TBL1Y: variants seen among roughly 807,000 people sequenced by gnomAD.
TBL1Y encodes the protein F-box-like/WD repeat-containing protein TBL1Y.
TBL1Y carries 15 observed loss-of-function variants against 12.0 expected under a neutral mutation model. The ratio of observed to expected loss-of-function variants is 1.25; its 90% CI spans 0.83 to 1.92. The LOEUF (loss-of-function observed/expected upper bound fraction) is 1.92, where lower values mean the gene tolerates loss of function less well. Ranked by LOEUF, TBL1Y falls within the 40% of genes most tolerant of loss-of-function variation. The probability of loss-of-function intolerance (pLI) is 0.00; values close to 1 mark genes in which losing one functional copy is unlikely to be tolerated. For synonymous variants in TBL1Y, 53 were observed against 42.6 expected (o/e 1.24, Z -0.95); for missense variants, 148 against 116.7 (o/e 1.27, Z -1.24).
At chrY:6,965,584 C>T (rs1337618018) in intron 2 of TBL1Y, among the ~76,000 whole-genome samples, 2 of 33,329 alleles carry the variant, frequency 6.0e-5, no homozygotes, top group African/African-American at 2.3e-4. Flanking sequence ...AATGTATGTT[C>T]GAGGGCTATT....
intron 2 of TBL1Y, among the ~76,000 whole-genome samples, chrY:6,971,264 G>A: frequency 3.0e-5 from 1 of 33,684 alleles, no homozygotes; most frequent in Non-Finnish European, 7.3e-5. Flanking sequence ...TTAAAAGACA[G>A]TGTCCTTTAT....
At chrY:6,932,434 G>T (rs2011871378) in intron 2 of TBL1Y, among the ~76,000 whole-genome samples, 1 of 33,951 alleles carries the variant, frequency 2.9e-5, no homozygotes, top group Non-Finnish European at 7.3e-5. Flanking sequence ...AATTTACTTG[G>T]TTTTGTAGAC....
At chrY:6,978,959 G>C in intron 3 of TBL1Y, among the ~76,000 whole-genome samples, 1 of 32,116 alleles carries the variant, frequency 3.1e-5, no homozygotes, top group Non-Finnish European at 7.5e-5. Flanking sequence ...TTTTGAGACA[G>C]AGTGTCACTC....
intron 2 of TBL1Y, among the ~76,000 whole-genome samples, chrY:6,922,933 C>A: frequency 2.9e-5 from 1 of 34,459 alleles, no homozygotes; most frequent in Non-Finnish European, 7.3e-5. Flanking sequence ...GCAGCCCCGG[C>A]TCCCGCCCAC....
At chrY:6,927,396 ATT>A (rs2011834613) in intron 2 of TBL1Y, among the ~76,000 whole-genome samples, 1 of 32,543 alleles carries the variant, frequency 3.1e-5, no homozygotes, top group South Asian at 7.2e-4. Context: ...CGTCGAGGTA[ATT>A]TTTTGTATTT....
chrY:7,063,467 A>C, intron 7 of TBL1Y, among the ~76,000 whole-genome samples: 1 of 32,807 alleles, frequency 3.0e-5, no homozygotes, highest in Non-Finnish European at 7.4e-5. Context: ...TTGGTTTGGC[A>C]CGAAAAATGG....
chrY:7,029,080 C>A (rs945781505), intron 6 of TBL1Y, among the ~76,000 whole-genome samples: 1 of 32,800 alleles, frequency 3.0e-5, no homozygotes, highest in Admixed American at 2.8e-4. Context: ...CACCCAAAGT[C>A]CAAACTATAA....
At chrY:6,911,317 T>C (rs2011691116) in intron 1 of TBL1Y, among the ~76,000 whole-genome samples, 1 of 34,419 alleles carries the variant, frequency 2.9e-5, no homozygotes, top group Non-Finnish European at 7.3e-5. Context: ...TGCCCCTTTG[T>C]TTGCCGCTCT....
intron 1 of TBL1Y, among the ~76,000 whole-genome samples, chrY:6,911,410 C>A: frequency 2.9e-5 from 1 of 34,553 alleles, no homozygotes; most frequent in African/African-American, 1.1e-4. Flanking sequence ...GGAGGGGAGT[C>A]CCTTTCATCC....
At chrY:6,976,948 G>C in intron 2 of TBL1Y, among the ~76,000 whole-genome samples, 1 of 33,697 alleles carries the variant, frequency 3.0e-5, no homozygotes, top group Non-Finnish European at 7.3e-5. Context: ...AAAAGGCTCT[G>C]AGGCCAAGCT....
chrY:7,003,206 A>C, intron 4 of TBL1Y, among the ~76,000 whole-genome samples: 1 of 33,733 alleles, frequency 3.0e-5, no homozygotes, highest in Non-Finnish European at 7.3e-5. Flanking sequence ...GATCACTCCA[A>C]TTTTGTCCCA....
At chrY:7,004,048 T>C (rs771942342) in intron 4 of TBL1Y, among the ~76,000 whole-genome samples, 2 of 33,977 alleles carry the variant, frequency 5.9e-5, no homozygotes, top group South Asian at 1.3e-3. Context: ...AACCTTGACA[T>C]AAGAATACCC....
chrY:6,943,989 C>T, intron 2 of TBL1Y, among the ~76,000 whole-genome samples: 2 of 33,703 alleles, frequency 5.9e-5, no homozygotes, highest in African/African-American at 2.3e-4. Flanking sequence ...TGTCACTCAC[C>T]CTGCACCATG....
chrY:7,013,914 A>G (rs2012533536), intron 4 of TBL1Y, among the ~76,000 whole-genome samples: 1 of 34,016 alleles, frequency 2.9e-5, no homozygotes, highest in Non-Finnish European at 7.3e-5. Flanking sequence ...CTATATTCCC[A>G]TTTTATCTAG....
intron 2 of TBL1Y, chrY:6,920,457 A>G: frequency 5.8e-5 from 2 of 34,603 alleles, no homozygotes; most frequent in Non-Finnish European, 1.4e-4. Context: ...GTAGAAATAA[A>G]ATGGATTGCT....
intron 15 of TBL1Y, among the ~76,000 whole-genome samples, 156 bp downstream of exon 15, chrY:7,086,128 C>T (rs2013131146): frequency 3.1e-5 from 1 of 32,240 alleles, no homozygotes; most frequent in African/African-American, 1.2e-4. Flanking sequence ...AGTCAGCGTC[C>T]TACTGAGAAT....
chrY:6,959,657 T>G, intron 2 of TBL1Y, among the ~76,000 whole-genome samples: 10 of 33,908 alleles, frequency 2.9e-4, no homozygotes, highest in Non-Finnish European at 7.3e-5. Flanking sequence ...CAGATTTAAC[T>G]GGGCTTTTGA....
intron 6 of TBL1Y, among the ~76,000 whole-genome samples, chrY:7,026,441 A>G: frequency 3.0e-5 from 1 of 33,527 alleles, no homozygotes; most frequent in Non-Finnish European, 7.4e-5. Context: ...GGTGGCTGCA[A>G]ATGGAAATCA....
At chrY:7,035,213 C>T in intron 6 of TBL1Y, among the ~76,000 whole-genome samples, 1 of 34,068 alleles carries the variant, frequency 2.9e-5, no homozygotes. Flanking sequence ...AAAAGCTCAT[C>T]ATCACTAGTC....
Sources: gnomAD v4.1 joint callset for allele counts (sites outside exome capture counted in the v4.1 genomes callset) on GRCh38, gnomAD v4.1.1 for gene constraint, MANE v1.5 for transcripts, NCBI Gene and HGNC (gene_info 2026-07-23, HGNC 2026-07-21) for gene names.